TSHR: variants seen among roughly 807,000 people sequenced by gnomAD.
TSHR encodes the protein thyroid stimulating hormone receptor.
A neutral mutation model predicts 64.1 loss-of-function variants in TSHR; 51 were observed. The ratio of observed to expected loss-of-function variants is 0.80; its 90% CI spans 0.64 to 1.01. TSHR has a LOEUF of 1.01. TSHR is among the 50% of genes least tolerant of loss of function. The pLI is 0.00. For missense variants in TSHR, 877 were observed against 942.8 expected (o/e 0.93, Z 0.91); for synonymous variants, 361 against 361.9 (o/e 1.00, Z 0.03).
intron 9 of TSHR, among the ~76,000 whole-genome samples, chr14:81,142,641 C>T (rs549678200): frequency 1.5e-5 from 2 of 136,428 alleles, no homozygotes; most frequent in East Asian, 4.3e-4. Flanking sequence ...CAGGGTCTCA[C>T]TCTGTCATCC....
intron 1 of TSHR, among the ~76,000 whole-genome samples, chr14:80,966,272 T>C (rs113097817): frequency 2.6e-5 from 4 of 152,268 alleles, no homozygotes; most frequent in African/African-American, 9.6e-5. Context: ...ATAAAGAGGA[T>C]CTAAGGACGG....
intron 1 of TSHR, among the ~76,000 whole-genome samples, chr14:81,028,393 G>C (rs1884179940): frequency 6.6e-6 from 1 of 152,050 alleles, no homozygotes; most frequent in Non-Finnish European, 1.5e-5. Context: ...CTAGGAACGT[G>C]ATTCAAGGAA....
At chr14:81,116,969 G>T (rs1348297903) in intron 8 of TSHR, among the ~76,000 whole-genome samples, 1 of 137,730 alleles carries the variant, frequency 7.3e-6, no homozygotes, top group African/African-American at 3.0e-5. Context: ...AAATAAAGAT[G>T]TTCTTTGAAA....
chr14:81,100,503 T>C (rs1475490615), intron 7 of TSHR, among the ~76,000 whole-genome samples: 7 of 152,236 alleles, frequency 4.6e-5, no homozygotes, highest in Admixed American at 2.0e-4. Context: ...AACTCAGTTC[T>C]GATACTCTAC....
intron 1 of TSHR, among the ~76,000 whole-genome samples, chr14:81,006,978 T>A (rs1256839954): frequency 6.6e-6 from 1 of 152,194 alleles, no homozygotes; most frequent in East Asian, 1.9e-4. Context: ...GAAGTCCATA[T>A]CTTATTTAGA....
At chr14:81,141,271 G>A (rs1476427157) in intron 9 of TSHR, among the ~76,000 whole-genome samples, 1 of 152,230 alleles carries the variant, frequency 6.6e-6, no homozygotes, top group Non-Finnish European at 1.5e-5. Flanking sequence ...CTGGACAAGG[G>A]CTGGGTGGGA....
intron 5 of TSHR, among the ~76,000 whole-genome samples, chr14:81,091,417 AAG>A (rs1159462218): frequency 2.0e-5 from 3 of 152,222 alleles, no homozygotes; most frequent in Non-Finnish European, 1.5e-5. Flanking sequence ...CAGAATTAGA[AAG>A]AGTTACCATA....
intron 3 of TSHR, among the ~76,000 whole-genome samples, chr14:81,070,565 G>T (rs1172492389): frequency 7.3e-6 from 1 of 137,506 alleles, no homozygotes; most frequent in Non-Finnish European, 1.5e-5. Context: ...GGGAGAGGTT[G>T]CAGTGAGCTG....
chr14:81,067,789 C>G (rs116677833), intron 2 of TSHR, among the ~76,000 whole-genome samples: 1,631 of 147,968 alleles, frequency 0.011, 35 homozygotes, highest in African/African-American at 0.036. Flanking sequence ...AAAATAAAAG[C>G]AAGCATCAGA....
intron 5 of TSHR, among the ~76,000 whole-genome samples, chr14:81,091,696 G>A (rs1037660623): frequency 1.3e-5 from 2 of 152,208 alleles, no homozygotes; most frequent in Admixed American, 6.5e-5. Context: ...CTTATAAGGT[G>A]TAAAACAAAG....
Position 81,091,112 on chromosome 14 carries a change from A to G in TSHR, c.436A>G (p.Lys146Glu), listed in dbSNP as rs1323013494. The G allele has an allele frequency of 6.2e-7, 1 of 1,612,526 alleles. No homozygotes were observed. Among genetic ancestry groups the G allele is most frequent in the Admixed American group, 1.7e-5 (1 of 60,018 alleles). Residue 146 changes from lysine (K) to glutamate (E), a missense_variant, in exon 5 of 10, where the codon AAA becomes GAA. By Grantham distance (56) the Lys-to-Glu change is moderately conservative. Transcript: ENST00000298171. ...ACTTAAAATGTTCCCTGACCTGACC[A>G]AAGTTTATTCCACTGATATATTCTT... The part of the protein sequence containing the change: ...TGLKMFPDLT[K>E]VYSTDIFFIL...
In TSHR at chr14:81,108,363, C is replaced by T. The variant is rs781697140; in HGVS notation, c.615-12C>T. ...ATTCATTCTCTCTCTCTCTTTCTCT[C>T]TCTCCCTCTAGTTACCTAAACAAGA... On this transcript the variant is annotated splice_polypyrimidine_tract_variant and intron_variant, in intron 7 of 9. Coordinates refer to ENST00000298171, the MANE Select transcript of TSHR (RefSeq NM_000369.5). 6.3e-6 allele frequency: 10 copies of T among 1,598,278 alleles called. No homozygotes were observed. In the African/African-American group the frequency reaches 1.2e-4, roughly 19 times the overall value.
chr14:81,030,447 T>C (rs1193112098), intron 1 of TSHR, among the ~76,000 whole-genome samples: 1 of 152,210 alleles, frequency 6.6e-6, no homozygotes, highest in East Asian at 1.9e-4. Flanking sequence ...CCTTGAATTT[T>C]AAAGGAAATT....
intron 1 of TSHR, among the ~76,000 whole-genome samples, chr14:80,979,275 T>TGTGGAGTCTAACATCATGCATAC (rs1888049326): frequency 1.3e-5 from 2 of 152,140 alleles, no homozygotes; most frequent in Non-Finnish European, 2.9e-5. Flanking sequence ...ATCATGCATA[T>TGTGGAGTCTAACATCATGCATAC]GTGGAGTCTA....
rs574307770 is a variant in TSHR at position 81,039,308 on chromosome 14, C to G, written c.171-22840C>G. On this transcript the variant is annotated intron_variant, in intron 1 of 9. Transcript: ENST00000298171. ...TTAAAATTCCTTCAGGATAAAATCTCTCAACAAATTAGGTATAGAAGGAAC... is the reference window on the plus strand; with the variant it reads ...TTAAAATTCCTTCAGGATAAAATCTGTCAACAAATTAGGTATAGAAGGAAC... Among the ~76,000 whole-genome samples, 13 of 152,026 alleles carry G rather than the reference C, an allele frequency of 8.6e-5. No homozygotes were observed. The East Asian group carries it at 2.3e-3, about 27-fold the overall frequency.
chr14:81,127,750 C>T lies in TSHR; in HGVS notation c.693-11929C>T, dbSNP rs151041299. Among the ~76,000 whole-genome samples the T allele has an allele frequency of 2.8e-3, 428 of 152,260 alleles. 2 individuals carry two copies. Among genetic ancestry groups the T allele is most frequent in the Non-Finnish European group, 4.1e-3 (279 of 68,028 alleles). ...CTCTCTTGCCTGCCGCCATGTAAGA[C>T]GTGCCTTTTGCCTTTTGCCGTCCAC... On this transcript the variant is annotated intron_variant, in intron 8 of 9. Transcript: ENST00000298171.
chr14:80,956,272 T>C (rs997844468), intron 1 of TSHR, among the ~76,000 whole-genome samples: 5 of 152,258 alleles, frequency 3.3e-5, no homozygotes, highest in African/African-American at 1.2e-4. Context: ...TTTGTTTCTC[T>C]AGATGGGAGG....
At chr14:81,072,745 T>G (rs1887169812) in intron 3 of TSHR, among the ~76,000 whole-genome samples, 1 of 149,694 alleles carries the variant, frequency 6.7e-6, no homozygotes, top group South Asian at 2.1e-4. Flanking sequence ...AGGTTGAAAG[T>G]GAAAAGCTTT....
chr14:80,969,254 G>A (rs2284719), intron 1 of TSHR, among the ~76,000 whole-genome samples: 28,215 of 152,164 alleles, frequency 0.19, 3,245 homozygotes, highest in Admixed American at 0.28. Context: ...CACATAGTGA[G>A]ACTAGTGGAT....
Sources: allele counts gnomAD v4.1 joint callset (sites outside exome capture counted in the v4.1 genomes callset), GRCh38; gene constraint gnomAD v4.1.1; transcripts MANE v1.5; gene names NCBI Gene and HGNC (gene_info 2026-07-23, HGNC 2026-07-21).